The following MYO16 variants were observed in gnomAD, a reference collection of about 807,000 sequenced individuals.
The protein encoded by MYO16 is myosin XVI, also known as unconventional myosin-XVI.
In MYO16, 94 loss-of-function variants were observed where a neutral mutation model predicts 205.3. The ratio of observed to expected loss-of-function variants is 0.46; its 90% CI spans 0.39 to 0.54. The LOEUF is 0.54. Ranked by LOEUF, MYO16 falls within the 20% of genes least tolerant of loss-of-function variation. MYO16 has a pLI of 0.00. For synonymous variants in MYO16, 988 were observed against 954.0 expected, an observed-to-expected ratio of 1.04 and a Z score of -0.66; for missense variants, 2,315 against 2,387.5, an observed-to-expected ratio of 0.97 and a Z score of 0.63.
intron 28 of MYO16, among the ~76,000 whole-genome samples, chr13:109,116,760 C>A (rs1193259059): frequency 1.3e-5 from 2 of 152,164 alleles, no homozygotes; most frequent in Non-Finnish European, 2.9e-5. Context: ...TTCCTGGTTC[C>A]CCAGCCTATG....
chr13:108,890,202 C>T (rs922880583), intron 14 of MYO16, among the ~76,000 whole-genome samples: 2 of 149,660 alleles, frequency 1.3e-5, no homozygotes, highest in African/African-American at 4.9e-5. Flanking sequence ...CCTCAGCCTC[C>T]CAAAGTGCTA....
At chr13:108,621,896 T>C (rs1169033438) in intron 1 of MYO16, among the ~76,000 whole-genome samples, 2 of 152,172 alleles carry the variant, frequency 1.3e-5, no homozygotes, top group African/African-American at 2.4e-5. Context: ...TCATTGTTGC[T>C]CTTAATCTCT....
Position 108,727,549 on chromosome 13 carries a change from G to A in MYO16, c.473G>A (p.Cys158Tyr). The A allele has an allele frequency of 6.2e-7, 1 of 1,613,844 alleles. No individual in the cohort carries two copies. The highest frequency in any genetic ancestry group is 1.1e-5 in the South Asian group (1 of 91,024). ...ACGCCCATGCACATTGCCTGTGCCT[G>A]CGATAACCCTGATATTGTCCTGCTT... The part of the protein sequence containing the change: ...FWTPMHIACA[C>Y]DNPDIVLLLV... The change falls in exon 4 of 35, where the codon TGC (cysteine) becomes TAC (tyrosine). Residue 158 changes from cysteine (C) to tyrosine (Y), a missense_variant. By Grantham distance (194) the Cys-to-Tyr change is radical. Coordinates refer to ENST00000457511, the MANE Select transcript of MYO16 (RefSeq NM_001198950.3).
intron 4 of MYO16, among the ~76,000 whole-genome samples, chr13:108,768,047 G>A (rs1885839059): frequency 6.6e-6 from 1 of 152,196 alleles, no homozygotes; most frequent in African/African-American, 2.4e-5. Flanking sequence ...GAAGCATAGA[G>A]TGAAGTGATC....
chr13:109,089,063 G>A (rs1888536709), intron 27 of MYO16, among the ~76,000 whole-genome samples: 1 of 151,996 alleles, frequency 6.6e-6, no homozygotes, highest in Non-Finnish European at 1.5e-5. Flanking sequence ...AACAACCACC[G>A]CCACAATGAG....
intron 16 of MYO16, among the ~76,000 whole-genome samples, chr13:108,937,720 CTGAT>C (rs1206626111): frequency 3.3e-5 from 5 of 152,168 alleles, no homozygotes; most frequent in South Asian, 2.1e-4. Flanking sequence ...CTCTGATACT[CTGAT>C]TGATTTTAGA....
chr13:108,668,267 C>G (rs980703638), intron 2 of MYO16, among the ~76,000 whole-genome samples: 1 of 152,124 alleles, frequency 6.6e-6, no homozygotes, highest in Non-Finnish European at 1.5e-5. Context: ...ACTATGCAAC[C>G]TAGTTTCTGG....
intron 14 of MYO16, among the ~76,000 whole-genome samples, chr13:108,895,828 A>G (rs1435868870): frequency 6.6e-6 from 1 of 152,246 alleles, no homozygotes; most frequent in Non-Finnish European, 1.5e-5. Context: ...CAGGACGGGA[A>G]CATTGTCTAT....
the MYO16 span, among the ~76,000 whole-genome samples, chr13:108,568,349 A>C: frequency 2.0e-5 from 3 of 152,222 alleles, no homozygotes; most frequent in East Asian, 5.8e-4. Flanking sequence ...TCTTATCTTC[A>C]TTAACACTTA....
intron 11 of MYO16, among the ~76,000 whole-genome samples, chr13:108,857,596 T>C (rs196160): frequency 0.14 from 21,530 of 152,214 alleles, 1,683 homozygotes; most frequent in East Asian, 0.28. Flanking sequence ...CATAGTTGTT[T>C]ATGCACTTCT....
intron 33 of MYO16, among the ~76,000 whole-genome samples, chr13:109,169,379 T>A (rs1878835913): frequency 6.6e-6 from 1 of 151,860 alleles, no homozygotes; most frequent in South Asian, 2.1e-4. Context: ...AATAAAATAA[T>A]GTGAAGGGAT....
intron 16 of MYO16, among the ~76,000 whole-genome samples, chr13:108,956,672 T>C (rs1453061337): frequency 6.6e-6 from 1 of 152,210 alleles, no homozygotes; most frequent in African/African-American, 2.4e-5. Context: ...GTACATATTC[T>C]AATTATTCCA....
At chr13:109,003,132 CAT>C (rs1885271697) in intron 21 of MYO16, among the ~76,000 whole-genome samples, 1 of 152,132 alleles carries the variant, frequency 6.6e-6, no homozygotes, top group Non-Finnish European at 1.5e-5. Flanking sequence ...CTTTAAACTA[CAT>C]ATGTTTCCAG....
intron 4 of MYO16, among the ~76,000 whole-genome samples, chr13:108,744,435 T>TA (rs1207645235): frequency 6.6e-6 from 1 of 152,148 alleles, no homozygotes; most frequent in Admixed American, 6.5e-5. Flanking sequence ...TTCATTAAGT[T>TA]AAAAAAAGAA....
chr13:109,087,928 T>G (rs1347305606), intron 27 of MYO16, among the ~76,000 whole-genome samples: 1 of 152,230 alleles, frequency 6.6e-6, no homozygotes, highest in Non-Finnish European at 1.5e-5. Context: ...TCTGTTCTTT[T>G]CAGTTTAACG....
chr13:108,853,954 T>TTGTGTG (rs5806760), intron 10 of MYO16, among the ~76,000 whole-genome samples: 5,049 of 138,468 alleles, frequency 0.036, 133 homozygotes, highest in Non-Finnish European at 0.041. Context: ...GTTTCTATTA[T>TTGTGTG]TGTGTGTGTG....
At chr13:109,161,946 G>A (rs1878405909) in intron 32 of MYO16, among the ~76,000 whole-genome samples, 1 of 151,934 alleles carries the variant, frequency 6.6e-6, no homozygotes, top group Non-Finnish European at 1.5e-5. Context: ...AAAATTAGCC[G>A]GGCATGGTGG....
chr13:109,055,648 T>C lies in MYO16; in HGVS notation c.3335+53T>C. On this transcript the variant is annotated intron_variant, in intron 27 of 34. Transcript: ENST00000457511. The surrounding 1 kb of genome is among the most constrained non-coding windows in gnomAD (Gnocchi z 5.0). ...GTTCTCGCTGCTGTTCAGTGCAGTGTACTGACACTGACACTATTGTAGCAA... is the reference window on the plus strand; with the variant it reads ...GTTCTCGCTGCTGTTCAGTGCAGTGCACTGACACTGACACTATTGTAGCAA... The C allele has an allele frequency of 5.6e-6, 8 of 1,417,802 alleles. No homozygotes were observed. The highest frequency in any genetic ancestry group is 1.4e-5 in the African/African-American group (1 of 71,408). The allele number at this position is 1,417,802 out of a possible 1,614,324, so 87.8% of individuals were successfully genotyped here.
intron 4 of MYO16, among the ~76,000 whole-genome samples, chr13:108,752,388 TAGTA>T (rs960711205): frequency 9.2e-5 from 14 of 152,134 alleles, no homozygotes; most frequent in Non-Finnish European, 4.4e-5. Flanking sequence ...ATCTATTTGT[TAGTA>T]AGGGGCACAG....
Sources: gnomAD v4.1 joint callset for allele counts (sites outside exome capture counted in the v4.1 genomes callset) on GRCh38, gnomAD v4.1.1 for gene constraint, Gnocchi (gnomAD v3.1) non-coding constraint, MANE v1.5 for transcripts, NCBI Gene and HGNC (gene_info 2026-07-23, HGNC 2026-07-21) for gene names.